WASL: variants seen among roughly 807,000 people sequenced by gnomAD.
The protein encoded by WASL is WASP like actin nucleation promoting factor.
A neutral mutation model predicts 55.5 loss-of-function variants in WASL; 20 were observed. That is an observed-to-expected ratio of 0.36 (90% CI 0.25 to 0.52). WASL has a LOEUF of 0.52. Ranked by LOEUF, WASL falls within the 20% of genes least tolerant of loss-of-function variation. The probability of loss-of-function intolerance (pLI) is 0.92; values close to 1 mark genes in which losing one functional copy is unlikely to be tolerated. For missense variants in WASL, 504 were observed against 622.5 expected (o/e 0.81, Z 2.03); for synonymous variants, 249 against 217.6 (o/e 1.14, Z -1.27).
rs1804497762 is a variant in WASL, at chr7:123,748,975, G to A, written c.-241C>T. ...CCGCCCGGCCAGGCTAGGGCCGGAT[G>A]GTCGTTGTCCTCGCACTCCGGCGAC... On this transcript the variant is annotated 5_prime_UTR_variant, in exon 1 of 11. Transcript: ENST00000223023. 1 of 528,402 alleles carries A rather than the reference G, an allele frequency of 1.9e-6. No homozygotes were observed. The highest frequency in any genetic ancestry group is 3.3e-6 in the Non-Finnish European group (1 of 301,066). The allele number at this position is 528,402 out of a possible 1,614,324, so 32.7% of individuals were successfully genotyped here. A position where few individuals can be genotyped will look rare whatever the true frequency, so the allele number is the denominator to read the frequency against.
In WASL at chr7:123,710,316, AT is replaced by A. The variant is rs567962611; in HGVS notation, c.118-1094del. ...AATAAAATATTTCATATAAATATAT[AT>A]TTTTTTAAAGAGGAAGAACTGAAAT... On this transcript the variant is annotated intron_variant, in intron 1 of 10. Transcript: ENST00000223023. Among the ~76,000 whole-genome samples, 764 of 151,174 alleles carry A rather than the reference AT, an allele frequency of 5.1e-3. 6 individuals carry two copies. Among genetic ancestry groups the A allele is most frequent in the African/African-American group, 0.016 (681 of 41,398 alleles).
Position 123,688,116 on chromosome 7 carries a change from A to C in WASL, c.1456+926T>G, listed in dbSNP as rs564840100. Among the ~76,000 whole-genome samples, 5 of 152,316 alleles carry C rather than the reference A, an allele frequency of 3.3e-5. No individual in the cohort carries two copies. The South Asian group carries it at 1.0e-3, about 32-fold the overall frequency. On this transcript the variant is annotated intron_variant, in intron 10 of 10. Transcript: ENST00000223023. ...CTATTTAGCAAACCTCAACTACTCC[A>C]ATCAGCAAAACTCATATTCTTGTTC... is the stretch of plus-strand genomic sequence containing the variant.
chr7:123,709,241 T>C lies in WASL; in HGVS notation c.118-18A>G. The C allele has an allele frequency of 6.3e-7, 1 of 1,594,062 alleles. No homozygotes were observed. The highest frequency in any genetic ancestry group is 8.5e-7 in the Non-Finnish European group (1 of 1,170,418). The stretch of plus-strand genomic sequence containing the variant: ...GACATAGTCTGCAAAATATAAAATT[T>C]ATAACCATTAGGTTCAAAATAATAT... On this transcript the variant is annotated intron_variant, in intron 1 of 10. Transcript: ENST00000223023.
chr7:123,720,642 A>G (rs982042199), intron 1 of WASL, among the ~76,000 whole-genome samples: 1 of 149,752 alleles, frequency 6.7e-6, no homozygotes, highest in Non-Finnish European at 1.5e-5. Flanking sequence ...TTCTTTTCAC[A>G]CTGTGGGATT....
chr7:123,691,335 T>C (rs1269758170), intron 9 of WASL, among the ~76,000 whole-genome samples: 1 of 152,138 alleles, frequency 6.6e-6, no homozygotes, highest in Non-Finnish European at 1.5e-5. Context: ...GGTTAGGTTC[T>C]AGGATAGGAG....
rs915221453 is a variant in WASL, at chr7:123,702,345, C to T, written c.460+2289G>A. ...TGCTGGGATTACAGGCGAGAGCCAC[C>T]GCGCCCGGCCTGAAACTACATTTAA... On this transcript the variant is annotated intron_variant, in intron 5 of 10. Transcript: ENST00000223023. Among the ~76,000 whole-genome samples, 11 of 152,224 alleles carry T rather than the reference C, an allele frequency of 7.2e-5. No homozygotes were observed. In the East Asian group the frequency reaches 1.5e-3, roughly 21 times the overall value.
At chr7:123,725,025 G>C (rs777722606) in intron 1 of WASL, among the ~76,000 whole-genome samples, 13 of 152,174 alleles carry the variant, frequency 8.5e-5, no homozygotes, top group Non-Finnish European at 1.8e-4. Context: ...ATAGAAGGAA[G>C]TAGTGAGAGT....
At chr7:123,727,299 T>C (rs989759852) in intron 1 of WASL, among the ~76,000 whole-genome samples, 3 of 151,712 alleles carry the variant, frequency 2.0e-5, no homozygotes, top group Non-Finnish European at 4.4e-5. Flanking sequence ...CATACATCTT[T>C]CCAGTGACAA....
intron 1 of WASL, among the ~76,000 whole-genome samples, chr7:123,728,419 T>C (rs1408109720): frequency 6.6e-6 from 1 of 152,108 alleles, no homozygotes; most frequent in Non-Finnish European, 1.5e-5. Context: ...GCCTGCTATA[T>C]TAGGGAGTAA....
chr7:123,748,479 G>T, intron 1 of WASL, 139 bp downstream of exon 1: 1 of 729,058 alleles, frequency 1.4e-6, no homozygotes, highest in East Asian at 3.8e-5. Context: ...CGCCGACGAG[G>T]GGCCGGGGCC....
At chr7:123,738,210 A>G (rs1804271129) in intron 1 of WASL, among the ~76,000 whole-genome samples, 1 of 152,136 alleles carries the variant, frequency 6.6e-6, no homozygotes, top group African/African-American at 2.4e-5. Flanking sequence ...AGGCAGTAAT[A>G]TATTAATAAA....
intron 1 of WASL, among the ~76,000 whole-genome samples, chr7:123,717,964 C>G (rs1803873167): frequency 1.3e-5 from 2 of 152,056 alleles, no homozygotes; most frequent in Admixed American, 6.6e-5. Flanking sequence ...GGTACTCTGT[C>G]AAGTCTTATG....
intron 1 of WASL, among the ~76,000 whole-genome samples, chr7:123,723,023 A>G (rs1803978265): frequency 6.6e-6 from 1 of 152,286 alleles, no homozygotes; most frequent in Non-Finnish European, 1.5e-5. Context: ...TGTGGTTTTA[A>G]GCAATTACTG....
In WASL at chr7:123,742,867, A is replaced by G. The variant is rs145771909; in HGVS notation, c.117+5751T>C. 6.5e-3 allele frequency among the ~76,000 whole-genome samples: 985 copies of G among 152,332 alleles called. 9 individuals carry two copies. Among genetic ancestry groups the G allele is most frequent in the African/African-American group, 0.022 (901 of 41,572 alleles). ...TCTACCTTCTGCTTAGATATATGCTATATTAGTCTCGGCTGTGCAAAACAC... is the reference window on the plus strand; with the variant it reads ...TCTACCTTCTGCTTAGATATATGCTGTATTAGTCTCGGCTGTGCAAAACAC... On this transcript the variant is annotated intron_variant, in intron 1 of 10. Coordinates refer to ENST00000223023, the MANE Select transcript of WASL (RefSeq NM_003941.4).
Position 123,745,939 on chromosome 7 carries a change from T to C in WASL, c.117+2679A>G, listed in dbSNP as rs1472239578. On this transcript the variant is annotated intron_variant, in intron 1 of 10. Transcript: ENST00000223023. ...AATCATCCTCTCTCCCACCATTCTC[T>C]CCTTTAATCCCCTAAACCTTTATAA... Among the ~76,000 whole-genome samples, 7 of 152,184 alleles carry C rather than the reference T, an allele frequency of 4.6e-5. No homozygotes were observed. The East Asian group carries it at 1.3e-3, about 29-fold the overall frequency.
At chr7:123,698,755 T>G (rs1803530190) in intron 5 of WASL, among the ~76,000 whole-genome samples, 1 of 152,180 alleles carries the variant, frequency 6.6e-6, no homozygotes, top group Non-Finnish European at 1.5e-5. Context: ...TTAAGCAGTA[T>G]CGAATGACCT....
intron 1 of WASL, among the ~76,000 whole-genome samples, chr7:123,720,998 C>A (rs1260765175): frequency 1.3e-5 from 2 of 152,098 alleles, no homozygotes; most frequent in African/African-American, 4.8e-5. Context: ...TTTAGCTTCC[C>A]CCTAAAAAAT....
Position 123,748,920 on chromosome 7 carries a change from G to A in WASL, c.-186C>T. On this transcript the variant is annotated 5_prime_UTR_variant, in exon 1 of 11. Transcript: ENST00000223023. ...GGCGCTGACGGCGAGCCACCTTCGC[G>A]CCGCGCTGAGAAAGGGAAGCTCCCG... The A allele has an allele frequency of 1.7e-6, 1 of 579,406 alleles. No individual in the cohort carries two copies. Among genetic ancestry groups the A allele is most frequent in the South Asian group, 2.1e-5 (1 of 48,290 alleles). The allele number at this position is 579,406 out of a possible 1,614,324, so 35.9% of individuals were successfully genotyped here.
At chr7:123,742,892 C>T (rs942538664) in intron 1 of WASL, among the ~76,000 whole-genome samples, 1 of 152,174 alleles carries the variant, frequency 6.6e-6, no homozygotes, top group African/African-American at 2.4e-5. Flanking sequence ...GTGCAAAACA[C>T]ATATATGCTA....
Sources: allele counts gnomAD v4.1 joint callset (sites outside exome capture counted in the v4.1 genomes callset), GRCh38; gene constraint gnomAD v4.1.1; transcripts MANE v1.5; gene names NCBI Gene and HGNC (gene_info 2026-07-23, HGNC 2026-07-21).